PPP1R13L: variants seen among roughly 807,000 people sequenced by gnomAD.
PPP1R13L encodes the protein protein phosphatase 1 regulatory subunit 13 like, also known as relA-associated inhibitor.
Under a neutral mutation model 80.9 loss-of-function variants are expected in PPP1R13L, and 50 were observed. That is an observed-to-expected ratio of 0.62 (90% confidence interval 0.49 to 0.78). The LOEUF is 0.78. Among genes scored for constraint, PPP1R13L ranks in the 30% least tolerant of loss-of-function variants. PPP1R13L has a pLI of 0.00. For missense variants in PPP1R13L, 1,200 were observed against 1,205.9 expected, an observed-to-expected ratio of 1.00 and a Z score of 0.07; for synonymous variants, 602 against 534.3, an observed-to-expected ratio of 1.13 and a Z score of -1.75.
chr19:45,402,808 C>T (rs958175419), intron 1 of PPP1R13L, among the ~76,000 whole-genome samples: 1 of 152,232 alleles, frequency 6.6e-6, no homozygotes, highest in African/African-American at 2.4e-5. Flanking sequence ...ACCCCTGGCT[C>T]TCCTTCCCTG....
At chr19:45,397,175 G>C in intron 3 of PPP1R13L, 117 bp from the exon 4 acceptor site, 1 of 850,544 alleles carries the variant, frequency 1.2e-6, no homozygotes, top group Non-Finnish European at 1.6e-6. Context: ...GAGGCTGACC[G>C]GCCATGGAAA....
chr19:45,383,965 G>A (rs1049485426), intron 11 of PPP1R13L, among the ~76,000 whole-genome samples: 2 of 151,490 alleles, frequency 1.3e-5, no homozygotes, highest in African/African-American at 4.9e-5. Flanking sequence ...GGGTTTCACC[G>A]TGTTGCCCAG....
chr19:45,399,733 C>G (rs1331735977), intron 1 of PPP1R13L, among the ~76,000 whole-genome samples: 1 of 151,746 alleles, frequency 6.6e-6, no homozygotes, highest in Non-Finnish European at 1.5e-5. Flanking sequence ...GTGGATGGAT[C>G]GCTTGAAGCC....
intron 8 of PPP1R13L, 74 bp downstream of exon 8, chr19:45,391,805 TA>T: frequency 8.4e-7 from 1 of 1,194,946 alleles, no homozygotes; most frequent in Non-Finnish European, 1.1e-6. Flanking sequence ...TAAGCCACTA[TA>T]TTTGGGGGGC....
intron 1 of PPP1R13L, among the ~76,000 whole-genome samples, chr19:45,401,150 G>A (rs1442466305): frequency 4.0e-5 from 6 of 150,920 alleles, no homozygotes; most frequent in African/African-American, 9.7e-5. Flanking sequence ...TCAGGAGCTC[G>A]AGACCATCCT....
At chr19:45,403,783 T>G (rs1365124760) in intron 1 of PPP1R13L, among the ~76,000 whole-genome samples, 1 of 152,126 alleles carries the variant, frequency 6.6e-6, no homozygotes, top group Non-Finnish European at 1.5e-5. Flanking sequence ...TGGGAAACAC[T>G]CCTCTCTCAT....
At chr19:45,380,260 A>G in intron 12 of PPP1R13L, 32 bp from the exon 13 acceptor site, 1 of 1,612,872 alleles carries the variant, frequency 6.2e-7, no homozygotes, top group Non-Finnish European at 8.5e-7. Flanking sequence ...AGACATCAGG[A>G]GCTCCCACCT....
rs1973154926 is a variant in PPP1R13L, at chr19:45,398,244, C to G, written c.55+20G>C. 3.1e-6 allele frequency: 5 copies of G among 1,613,796 alleles called. No homozygotes were observed. The highest frequency in any genetic ancestry group is 2.5e-6 in the Non-Finnish European group (3 of 1,179,820). On this transcript the variant is annotated intron_variant, in intron 2 of 12. Transcript: ENST00000360957. ...GCCGAGGTCCCCGCCTCGCCAGCCC[C>G]GCCCCCTACTCCAGCTTACACTGGA...
Position 45,398,067 on chromosome 19 carries a change from G to T in PPP1R13L, c.136C>A (p.Leu46Met). 1 of 1,614,172 alleles carries T rather than the reference G, an allele frequency of 6.2e-7. No individual in the cohort carries two copies. The highest frequency in any genetic ancestry group is 8.5e-7 in the Non-Finnish European group (1 of 1,180,026). ...GGAGAGTCTGACCACAGCGACTCCAGCTGCTTGGTCAGTTCATCCACCTTG... is the reference window on the plus strand; with the variant it reads ...GGAGAGTCTGACCACAGCGACTCCATCTGCTTGGTCAGTTCATCCACCTTG... ...AAKVDELTKQ[L>M]ESLWSDSPAP... The change falls in exon 3 of 13, where the codon CTG becomes ATG. Residue 46 changes from leucine to methionine, a missense_variant. By Grantham distance (15) the Leu-to-Met change is conservative. Transcript: ENST00000360957.
intron 11 of PPP1R13L, among the ~76,000 whole-genome samples, chr19:45,383,592 GC>G (rs1972810192): frequency 6.6e-6 from 1 of 152,048 alleles, no homozygotes; most frequent in African/African-American, 2.4e-5. Flanking sequence ...ACCTGGCCCG[GC>G]CCTCATTTCC....
Position 45,395,846 on chromosome 19 carries a change from A to G in PPP1R13L, c.944T>C (p.Val315Ala). 3 of 1,597,566 alleles carry G rather than the reference A, an allele frequency of 1.9e-6. No individual in the cohort carries two copies. The highest frequency in any genetic ancestry group is 2.6e-6 in the Non-Finnish European group (3 of 1,173,734). ...ACGCCGGTCGCTGGCCAGAGGAGAG[A>G]CCTTGTAATTGCGCGGCAGGGTGGC... ...TSATLPRNYKVSPLASDRRSD... is the reference protein window; with the variant it reads ...TSATLPRNYKASPLASDRRSD... Residue 315 changes from valine (V) to alanine (A), a missense_variant, in exon 7 of 13, where the codon GTC becomes GCC. Physicochemically the swap from Val to Ala is moderately conservative, Grantham distance 64 (BLOSUM62 0). Coordinates refer to ENST00000360957, the MANE Select transcript of PPP1R13L (RefSeq NM_006663.4).
Position 45,385,947 on chromosome 19 carries a change from G to C in PPP1R13L, c.1958C>G (p.Pro653Arg). The stretch of plus-strand genomic sequence containing the variant: ...GATGCCCTCCTCGTTGGGCTGGCTC[G>C]GGTCGTTCATCTGAGTGCACCGGGG... ...VQQAVKEMNDPSQPNEEGITA... is the reference protein window; with the variant it reads ...VQQAVKEMNDRSQPNEEGITA... Residue 653 changes from proline to arginine, a missense_variant, in exon 10 of 13, where the codon CCG becomes CGG. Transcript: ENST00000360957. 6.2e-7 allele frequency: 1 copy of C among 1,611,550 alleles called. No homozygotes were observed. Among genetic ancestry groups the C allele is most frequent in the South Asian group, 1.1e-5 (1 of 90,750 alleles).
chr19:45,392,712 T>C, intron 7 of PPP1R13L: 2 of 349,214 alleles, frequency 5.7e-6, no homozygotes, highest in South Asian at 4.9e-5. Context: ...GACTCTAGAA[T>C]CTACTTCTAC....
At chr19:45,405,860 T>G (rs1486894193), upstream of PPP1R13L, among the ~76,000 whole-genome samples, 1 of 152,082 alleles carries the variant, frequency 6.6e-6, no homozygotes, top group Non-Finnish European at 1.5e-5. Flanking sequence ...GGAAGGGAAG[T>G]GGGTGCGTCC....
intron 11 of PPP1R13L, among the ~76,000 whole-genome samples, chr19:45,384,897 A>G (rs965271421): frequency 4.6e-5 from 7 of 152,018 alleles, no homozygotes; most frequent in Non-Finnish European, 1.0e-4. Flanking sequence ...GGTCTCTACA[A>G]TGTCTTGTAG....
intron 9 of PPP1R13L, 38 bp from the exon 10 acceptor site, chr19:45,385,995 G>A (rs1336655312): frequency 1.9e-6 from 3 of 1,575,650 alleles, no homozygotes; most frequent in Admixed American, 1.8e-5. Context: ...TCAGTCCCGC[G>A]GCTGGCATCT....
Position 45,382,665 on chromosome 19 carries a change from G to T in PPP1R13L, c.2310C>A (p.Ser770Arg), listed in dbSNP as rs760532939. ...SGAVYALWDYSAEFGDELSFR... is the reference protein window; with the variant it reads ...SGAVYALWDYRAEFGDELSFR... ...AGGACAGCTCGTCCCCGAACTCGGC[G>T]CTGTAGTCCCAGAGAGCGTACACTG... The change falls in exon 12 of 13, where the codon AGC becomes AGA. Residue 770 changes from serine (S) to arginine (R), a missense_variant. Ser to Arg is a moderately radical substitution (Grantham distance 110, BLOSUM62 -1). Transcript: ENST00000360957. 1.9e-6 allele frequency: 3 copies of T among 1,614,012 alleles called. No individual in the cohort carries two copies. The highest frequency in any genetic ancestry group is 2.5e-6 in the Non-Finnish European group (3 of 1,180,038).
intron 3 of PPP1R13L, 34 bp from the exon 4 acceptor site, chr19:45,397,092 A>G: frequency 7.9e-7 from 1 of 1,271,464 alleles, no homozygotes; most frequent in African/African-American, 1.5e-5. Context: ...GGGATGGATC[A>G]AAGGAGACAT....
At chr19:45,403,867 TAGAC>T (rs993874569) in intron 1 of PPP1R13L, among the ~76,000 whole-genome samples, 2 of 151,844 alleles carry the variant, frequency 1.3e-5, no homozygotes, top group Non-Finnish European at 2.9e-5. Flanking sequence ...AACGGGGAGA[TAGAC>T]AGAGGGAGGT....
Sources: allele counts gnomAD v4.1 joint callset (sites outside exome capture counted in the v4.1 genomes callset), GRCh38; gene constraint gnomAD v4.1.1; transcripts MANE v1.5; gene names NCBI Gene and HGNC (gene_info 2026-07-23, HGNC 2026-07-21).